Variants in RBFOX1 observed in about 807,000 individuals in gnomAD.
RBFOX1 encodes the protein RNA binding protein fox-1 homolog 1.
In RBFOX1, 8 loss-of-function variants were observed where a neutral mutation model predicts 57.7. The ratio of observed to expected loss-of-function variants is 0.14; its 90% CI spans 0.08 to 0.25. RBFOX1 has a LOEUF of 0.25. Among genes scored for constraint, RBFOX1 ranks in the 10% least tolerant of loss-of-function variants. The pLI, the probability that RBFOX1 is intolerant of heterozygous loss-of-function variation, is 1.00. For missense variants in RBFOX1, 611 were observed against 548.5 expected (o/e 1.11, Z -1.14); for synonymous variants, 326 against 222.4 (o/e 1.47, Z -4.15).
At chr16:6,774,756 G>C (rs2079029200) in intron 3 of RBFOX1, among the ~76,000 whole-genome samples, 1 of 151,936 alleles carries the variant, frequency 6.6e-6, no homozygotes, top group South Asian at 2.1e-4. Context: ...TTCAACTGTT[G>C]AGTTGAACTT....
chr16:6,369,612 C>G (rs528213666), intron 2 of RBFOX1, among the ~76,000 whole-genome samples: 1 of 152,164 alleles, frequency 6.6e-6, no homozygotes, highest in Non-Finnish European at 1.5e-5. Flanking sequence ...CTTGTTACTA[C>G]CATGTTCCCC....
At chr16:6,445,653 G>A (rs900184384) in intron 2 of RBFOX1, among the ~76,000 whole-genome samples, 1 of 150,634 alleles carries the variant, frequency 6.6e-6, no homozygotes, top group Non-Finnish European at 1.5e-5. Context: ...GACAATCTGG[G>A]CTCACAGCAA....
chr16:6,448,737 A>G (rs971290615), intron 2 of RBFOX1, among the ~76,000 whole-genome samples: 2 of 152,314 alleles, frequency 1.3e-5, no homozygotes, highest in Admixed American at 6.5e-5. Context: ...AAATGAAAGT[A>G]TATGTGCTTC....
chr16:7,642,454 G>A (rs915122262), intron 11 of RBFOX1, among the ~76,000 whole-genome samples: 7 of 152,226 alleles, frequency 4.6e-5, no homozygotes, highest in South Asian at 2.1e-4. Context: ...GTGAGCCACC[G>A]TCAGACCCCT....
At chr16:5,811,781 G>A (rs965552529) in intron 3 of RBFOX1, among the ~76,000 whole-genome samples, 6 of 152,154 alleles carry the variant, frequency 3.9e-5, no homozygotes, top group African/African-American at 1.4e-4. Flanking sequence ...TTATTGAGAT[G>A]TAATTGACGT....
At chr16:7,417,967 T>C (rs1436534072) in intron 4 of RBFOX1, among the ~76,000 whole-genome samples, 5 of 152,136 alleles carry the variant, frequency 3.3e-5, no homozygotes, top group South Asian at 2.1e-4. Context: ...TATCACCCAA[T>C]CACCACAACC....
At chr16:6,776,748 A>G (rs1299558491) in intron 3 of RBFOX1, among the ~76,000 whole-genome samples, 2 of 152,232 alleles carry the variant, frequency 1.3e-5, no homozygotes, top group African/African-American at 4.8e-5. Flanking sequence ...ACTAGGTGCT[A>G]AACTTTTCTG....
At chr16:7,066,892 C>G (rs546705126) in intron 4 of RBFOX1, among the ~76,000 whole-genome samples, 2 of 152,070 alleles carry the variant, frequency 1.3e-5, no homozygotes, top group Non-Finnish European at 2.9e-5. Flanking sequence ...TATTTTGAAC[C>G]CAGACCATTT....
At chr16:7,064,132 G>T (rs139839745) in intron 4 of RBFOX1, among the ~76,000 whole-genome samples, 1 of 150,714 alleles carries the variant, frequency 6.6e-6, no homozygotes, top group African/African-American at 2.4e-5. Flanking sequence ...GTCCATAAGC[G>T]TGGGCCCTAA....
intron 4 of RBFOX1, among the ~76,000 whole-genome samples, chr16:7,365,425 T>C (rs1319662295): frequency 6.6e-6 from 1 of 152,216 alleles, no homozygotes; most frequent in Non-Finnish European, 1.5e-5. Flanking sequence ...TTGTTAGTTA[T>C]TAATGTTGAA....
intron 3 of RBFOX1, among the ~76,000 whole-genome samples, chr16:5,675,217 C>T (rs755272612): frequency 1.1e-4 from 16 of 151,530 alleles, no homozygotes; most frequent in African/African-American, 2.0e-4. Context: ...CATGTACTCA[C>T]GCACACACAC....
intron 2 of RBFOX1, among the ~76,000 whole-genome samples, chr16:6,444,666 T>G (rs996473330): frequency 2.6e-5 from 4 of 152,018 alleles, no homozygotes; most frequent in Admixed American, 1.3e-4. Flanking sequence ...TATGTCTTTA[T>G]CAGCAGGGTT....
intron 4 of RBFOX1, among the ~76,000 whole-genome samples, chr16:7,135,225 T>A (rs1179301518): frequency 6.6e-6 from 1 of 152,184 alleles, no homozygotes; most frequent in Non-Finnish European, 1.5e-5. Context: ...GTTTCAGCCC[T>A]GTCTAGGAAT....
At chr16:6,729,879 G>A (rs192380319) in intron 3 of RBFOX1, among the ~76,000 whole-genome samples, 1 of 152,228 alleles carries the variant, frequency 6.6e-6, no homozygotes, top group Non-Finnish European at 1.5e-5. Context: ...GCTTAGAAAC[G>A]AGAATGGCCC....
intron 3 of RBFOX1, among the ~76,000 whole-genome samples, chr16:6,741,983 T>G (rs1186082535): frequency 6.6e-6 from 1 of 152,134 alleles, no homozygotes; most frequent in Non-Finnish European, 1.5e-5. Context: ...CAGAGTAGAT[T>G]TCAAATGTTT....
intron 1 of RBFOX1, among the ~76,000 whole-genome samples, chr16:6,168,419 A>T (rs2096933679): frequency 6.6e-6 from 1 of 152,150 alleles, no homozygotes; most frequent in Non-Finnish European, 1.5e-5. Context: ...AGGCAAGCTC[A>T]CATTACAGTC....
chr16:5,912,075 A>T (rs932864322), intron 4 of RBFOX1, among the ~76,000 whole-genome samples: 1 of 152,204 alleles, frequency 6.6e-6, no homozygotes. Context: ...CATCTAAAGT[A>T]GAGACTGGTG....
chr16:6,708,293 C>T (rs1482253700), intron 3 of RBFOX1, among the ~76,000 whole-genome samples: 1 of 142,810 alleles, frequency 7.0e-6, no homozygotes. Context: ...TTTGAACACA[C>T]ACACACACAC....
chr16:6,493,575 G>T (rs759819245), intron 2 of RBFOX1, among the ~76,000 whole-genome samples: 1 of 152,090 alleles, frequency 6.6e-6, no homozygotes, highest in Non-Finnish European at 1.5e-5. Flanking sequence ...ATTTTGTGCC[G>T]AATTTCCCAC....
Sources: gnomAD v4.1 joint callset for allele counts (sites outside exome capture counted in the v4.1 genomes callset) on GRCh38, gnomAD v4.1.1 for gene constraint, MANE v1.5 for transcripts, NCBI Gene and HGNC (gene_info 2026-07-23, HGNC 2026-07-21) for gene names.